IGSF11: variants seen among roughly 807,000 people sequenced by gnomAD.
The protein encoded by IGSF11 is CXADR like 1.
Under a neutral mutation model 41.0 loss-of-function variants are expected in IGSF11, and 22 were observed. The observed-to-expected ratio is 0.54, with a 90% confidence interval of 0.38 to 0.77. The LOEUF is 0.77. Among genes scored for constraint, IGSF11 ranks in the 30% least tolerant of loss-of-function variants. The probability of loss-of-function intolerance (pLI) is 0.00; values close to 1 mark genes in which losing one functional copy is unlikely to be tolerated. For missense variants in IGSF11, 444 were observed against 530.8 expected (o/e 0.84, Z 1.61); for synonymous variants, 219 against 201.3 (o/e 1.09, Z -0.74).
intron 4 of IGSF11, among the ~76,000 whole-genome samples, chr3:118,917,762 C>T (rs1305097282): frequency 1.3e-5 from 2 of 150,576 alleles, no homozygotes; most frequent in African/African-American, 4.9e-5. Flanking sequence ...TTTTATGAGG[C>T]CAACATCATT....
intron 1 of IGSF11, among the ~76,000 whole-genome samples, chr3:119,072,302 G>T (rs1237087285): frequency 2.0e-5 from 3 of 152,194 alleles, no homozygotes; most frequent in Non-Finnish European, 4.4e-5. Flanking sequence ...GTACTAAACA[G>T]CAAAGTTGAG....
intron 1 of IGSF11, among the ~76,000 whole-genome samples, chr3:118,967,680 C>A (rs1559973844): frequency 6.6e-6 from 1 of 152,234 alleles, no homozygotes; most frequent in South Asian, 2.1e-4. Flanking sequence ...AAAGGACCAC[C>A]CTTTCCTGTC....
At chr3:119,043,543 C>G (rs1941202686) in intron 1 of IGSF11, among the ~76,000 whole-genome samples, 2 of 152,156 alleles carry the variant, frequency 1.3e-5, no homozygotes, top group Admixed American at 1.3e-4. Flanking sequence ...CCTAGCTAAC[C>G]AGAGGTCCTG....
rs199798704 is a variant in IGSF11 at position 118,977,040 on chromosome 3, AT to A, written c.53-46766del. Among the ~76,000 whole-genome samples, 675 of 152,320 alleles carry A rather than the reference AT, an allele frequency of 4.4e-3. 17 individuals are homozygous for A. The highest frequency in any genetic ancestry group is 0.031 in the Admixed American group (479 of 15,300). ...TTAATGGAAATTGATATGTGAAAAAATATTTGATCCACAGCATTAGGACAGT... is the reference window on the plus strand; with the variant it reads ...TTAATGGAAATTGATATGTGAAAAAAATTTGATCCACAGCATTAGGACAGT... On this transcript the variant is annotated intron_variant, in intron 1 of 6. Transcript: ENST00000393775.
chr3:118,932,110 A>T (rs1398965990), intron 1 of IGSF11, among the ~76,000 whole-genome samples: 1 of 152,176 alleles, frequency 6.6e-6, no homozygotes, highest in African/African-American at 2.4e-5. Flanking sequence ...TTAAAATTCT[A>T]AAAAAGAAAA....
In IGSF11 at chr3:118,901,848, G is replaced by C. The variant is rs1938904355; in HGVS notation, c.*672C>G. ...AACAGATCCTAGAATAACACAGACA[G>C]GCAAGAATCTGTCAATATAGCAATA... On this transcript the variant is annotated 3_prime_UTR_variant, in exon 7 of 7. Transcript: ENST00000393775. 1 of 151,818 alleles carries C rather than the reference G, an allele frequency of 6.6e-6. No individual in the cohort carries two copies. The highest frequency in any genetic ancestry group is 1.5e-5 in the Non-Finnish European group (1 of 67,988). 9.4% of individuals were successfully genotyped at this position (151,818 alleles called of 1,614,324 possible). A position where few individuals can be genotyped will look rare whatever the true frequency, so the allele number is the denominator to read the frequency against.
At chr3:119,067,044 T>C (rs996999207) in intron 1 of IGSF11, among the ~76,000 whole-genome samples, 1 of 152,204 alleles carries the variant, frequency 6.6e-6, no homozygotes, top group East Asian at 1.9e-4. Context: ...CGAGCATAAC[T>C]GTCTGCTTTT....
At chr3:118,979,752 AT>A (rs1194413182) in intron 1 of IGSF11, among the ~76,000 whole-genome samples, 3 of 152,236 alleles carry the variant, frequency 2.0e-5, no homozygotes, top group African/African-American at 7.2e-5. Flanking sequence ...CAATTTCTTG[AT>A]TGGAATAAAA....
chr3:118,952,490 C>T (rs1944647191), intron 1 of IGSF11, among the ~76,000 whole-genome samples: 1 of 152,262 alleles, frequency 6.6e-6, no homozygotes, highest in Admixed American at 6.5e-5. Context: ...TTCACATCTT[C>T]ACCAGGAGTA....
chr3:119,113,994 TG>T (rs1462675826), intron 1 of IGSF11, among the ~76,000 whole-genome samples: 1 of 152,336 alleles, frequency 6.6e-6, no homozygotes, highest in East Asian at 1.9e-4. Flanking sequence ...GAGACATATC[TG>T]GGGCCCTTTT....
At position 119,034,541 on chromosome 3, in the gene IGSF11, G is replaced by A. The variant is rs778886399; in HGVS notation, c.42C>T (p.Leu14=). ...QRSPLAPLLL[L]SLHGVAASLE... Reference sequence around the variant, plus strand: ...GCTGGAGCTACTCACCGTGCAGAGAGAGGAGCAGCAAAGGCGCCAGAGGGG... The same window carrying A: ...GCTGGAGCTACTCACCGTGCAGAGAAAGGAGCAGCAAAGGCGCCAGAGGGG... Residue 14 remains leucine (L), a synonymous_variant, in exon 1 of 7, where the codon CTC becomes CTT. Coordinates refer to ENST00000393775, the MANE Select transcript of IGSF11 (RefSeq NM_001015887.3). 6 of 1,592,058 alleles carry A rather than the reference G, an allele frequency of 3.8e-6. No individual in the cohort carries two copies. In the African/African-American group the frequency reaches 4.1e-5, roughly 11 times the overall value.
chr3:118,900,928 T>C lies in IGSF11; in HGVS notation c.*1592A>G, dbSNP rs1938772264. ...TTGGAAAAACAGTGTTTGCAGCAGCTGTTGGTTTCCATTCATTCACATAAC... is the reference window on the plus strand; with the variant it reads ...TTGGAAAAACAGTGTTTGCAGCAGCCGTTGGTTTCCATTCATTCACATAAC... On this transcript the variant is annotated 3_prime_UTR_variant, in exon 7 of 7. Transcript: ENST00000393775. The C allele has an allele frequency of 6.6e-6, 1 of 152,632 alleles. No individual in the cohort carries two copies. The highest frequency in any genetic ancestry group is 1.5e-5 in the Non-Finnish European group (1 of 68,040). The allele number at this position is 152,632 out of a possible 1,614,324, so 9.5% of individuals were successfully genotyped here. A position where few individuals can be genotyped will look rare whatever the true frequency, so the allele number is the denominator to read the frequency against.
chr3:118,967,276 T>C (rs556488735), intron 1 of IGSF11, among the ~76,000 whole-genome samples: 54 of 152,086 alleles, frequency 3.6e-4, no homozygotes, highest in African/African-American at 1.2e-3. Context: ...ATAATTTGAG[T>C]AAAAAAGTTT....
chr3:119,105,260 G>T (rs2077004021), upstream of IGSF11: 1 of 1,025,906 alleles, frequency 9.7e-7, no homozygotes, highest in Non-Finnish European at 1.5e-6. Flanking sequence ...AACATTATAT[G>T]TATTTCATTT....
intron 1 of IGSF11, among the ~76,000 whole-genome samples, chr3:119,085,529 C>A (rs2076657253): frequency 6.6e-6 from 1 of 152,168 alleles, no homozygotes; most frequent in African/African-American, 2.4e-5. Context: ...AGCAATGGTT[C>A]TTAACCAATC....
chr3:119,000,812 G>A (rs1038613151), intron 1 of IGSF11, among the ~76,000 whole-genome samples: 3 of 152,098 alleles, frequency 2.0e-5, no homozygotes, highest in Non-Finnish European at 4.4e-5. Context: ...TCCCCTTGAA[G>A]TTGAATCCTA....
chr3:119,049,947 T>C (rs1448936207), intron 1 of IGSF11, among the ~76,000 whole-genome samples: 2 of 147,206 alleles, frequency 1.4e-5, no homozygotes, highest in African/African-American at 2.5e-5. Context: ...GCTAGCCATA[T>C]GTAGAAAGCT....
chr3:119,117,813 G>C, intron 1 of IGSF11, among the ~76,000 whole-genome samples: 1 of 152,196 alleles, frequency 6.6e-6, no homozygotes, highest in East Asian at 1.9e-4. Flanking sequence ...ACAGGAATTG[G>C]GTAAATATTG....
intron 1 of IGSF11, among the ~76,000 whole-genome samples, chr3:119,031,815 T>C (rs978429078): frequency 6.6e-6 from 1 of 152,204 alleles, no homozygotes; most frequent in Non-Finnish European, 1.5e-5. Context: ...GCTGATAAAT[T>C]GGATTTTACA....
Sources: gnomAD v4.1 joint callset for allele counts (sites outside exome capture counted in the v4.1 genomes callset) on GRCh38, gnomAD v4.1.1 for gene constraint, MANE v1.5 for transcripts, NCBI Gene and HGNC (gene_info 2026-07-23, HGNC 2026-07-21) for gene names.